The following CNTN4 variants were observed in gnomAD, a reference collection of about 807,000 sequenced individuals.
The protein encoded by CNTN4 is contactin-4.
Under a neutral mutation model 122.5 loss-of-function variants are expected in CNTN4, and 77 were observed. The ratio of observed to expected loss-of-function variants is 0.63; its 90% CI spans 0.52 to 0.76. The LOEUF is 0.76. Ranked by LOEUF, CNTN4 falls within the 30% of genes least tolerant of loss-of-function variation. CNTN4 has a pLI of 0.00. For missense variants in CNTN4, 1,256 were observed against 1,259.1 expected, an observed-to-expected ratio of 1.00 and a Z score of 0.04; for synonymous variants, 512 against 447.0, an observed-to-expected ratio of 1.15 and a Z score of -1.83.
At chr3:2,396,670 T>TTTTTTA (rs1222765860) in intron 3 of CNTN4, among the ~76,000 whole-genome samples, 5 of 151,720 alleles carry the variant, frequency 3.3e-5, no homozygotes, top group Non-Finnish European at 1.5e-5. Flanking sequence ...TTTTTTTTTT[T>TTTTTTA]ATTAACCTCT....
chr3:2,909,966 CT>C (rs1431173888), intron 12 of CNTN4, among the ~76,000 whole-genome samples: 1 of 152,216 alleles, frequency 6.6e-6, no homozygotes, highest in Non-Finnish European at 1.5e-5. Flanking sequence ...TGAACATAGT[CT>C]CCCTACCAAA....
chr3:2,546,570 A>C lies in CNTN4; in HGVS notation c.-88-24846A>C, dbSNP rs1007512187. On this transcript the variant is annotated intron_variant, in intron 3 of 24. Coordinates refer to ENST00000418658, the MANE Select transcript of CNTN4 (RefSeq NM_175607.3). ...TTCTTATTATATGCATGATGAAATA[A>C]TCTGTACACCAAACCTCCATGACAC... Among the ~76,000 whole-genome samples the C allele has an allele frequency of 5.3e-5, 8 of 152,228 alleles. 1 individual carries two copies. The highest frequency in any genetic ancestry group is 1.9e-4 in the African/African-American group (8 of 41,560).
At chr3:2,871,152 C>T (rs999899595) in intron 8 of CNTN4, among the ~76,000 whole-genome samples, 5 of 152,176 alleles carry the variant, frequency 3.3e-5, no homozygotes, top group Non-Finnish European at 7.3e-5. Context: ...TTATTAGCCA[C>T]GTGGCTTTGA....
chr3:2,581,025 A>G (rs927307306), intron 4 of CNTN4, among the ~76,000 whole-genome samples: 1 of 152,184 alleles, frequency 6.6e-6, no homozygotes, highest in African/African-American at 2.4e-5. Context: ...ATCTTGTAAA[A>G]TACTCTGAAC....
At chr3:3,041,536 C>A (rs1700163533) in intron 20 of CNTN4, among the ~76,000 whole-genome samples, 1 of 152,226 alleles carries the variant, frequency 6.6e-6, no homozygotes, top group Admixed American at 6.5e-5. Context: ...CTCTGTGGGC[C>A]TCAGCATCTT....
chr3:2,509,414 A>G (rs1396529991), intron 3 of CNTN4, among the ~76,000 whole-genome samples: 3 of 152,242 alleles, frequency 2.0e-5, no homozygotes, highest in Non-Finnish European at 2.9e-5. Context: ...AAAGTACTTA[A>G]AAAACATGTT....
intron 3 of CNTN4, among the ~76,000 whole-genome samples, chr3:2,483,297 A>G (rs1052010722): frequency 6.6e-6 from 1 of 152,164 alleles, no homozygotes; most frequent in Non-Finnish European, 1.5e-5. Flanking sequence ...TCCATTTGGA[A>G]TGGGCGTATT....
At chr3:2,370,307 A>G (rs538877241) in intron 3 of CNTN4, among the ~76,000 whole-genome samples, 1 of 152,286 alleles carries the variant, frequency 6.6e-6, no homozygotes, top group East Asian at 1.9e-4. Flanking sequence ...AATGAAAAAA[A>G]CCTCAGTAAT....
At chr3:2,391,340 C>T (rs183776123) in intron 3 of CNTN4, among the ~76,000 whole-genome samples, 10 of 152,286 alleles carry the variant, frequency 6.6e-5, no homozygotes, top group Admixed American at 4.6e-4. Flanking sequence ...TCCACGCAAG[C>T]CCCTTTTATG....
intron 14 of CNTN4, among the ~76,000 whole-genome samples, chr3:3,000,331 G>A (rs556674330): frequency 1.2e-4 from 17 of 145,238 alleles, no homozygotes; most frequent in African/African-American, 4.0e-4. Context: ...TGACAACTGG[G>A]ATGATAGGAA....
At position 2,214,427 on chromosome 3, in the gene CNTN4, T is replaced by C. The variant is rs749323856; in HGVS notation, c.-145+113788T>C. Among the ~76,000 whole-genome samples, 15 of 152,290 alleles carry C rather than the reference T, an allele frequency of 9.8e-5. No individual in the cohort carries two copies. In the Middle Eastern group the frequency reaches 0.01, roughly 104 times the overall value. On this transcript the variant is annotated intron_variant, in intron 2 of 24. Coordinates refer to ENST00000418658, the MANE Select transcript of CNTN4 (RefSeq NM_175607.3). Reference sequence around the variant, plus strand: ...TGATCAGATTTCCGTGTATTTAATATTGAGTTTTTATAAATGTCTGTCATT... The same window carrying C: ...TGATCAGATTTCCGTGTATTTAATACTGAGTTTTTATAAATGTCTGTCATT...
intron 4 of CNTN4, among the ~76,000 whole-genome samples, chr3:2,647,813 A>C (rs1178525392): frequency 6.6e-6 from 1 of 152,218 alleles, no homozygotes; most frequent in Non-Finnish European, 1.5e-5. Context: ...CTGAAAAGGC[A>C]ATCTTAATTC....
chr3:2,998,871 G>A lies in CNTN4; in HGVS notation c.1486+10399G>A, dbSNP rs78575617. On this transcript the variant is annotated intron_variant, in intron 14 of 24. Transcript: ENST00000418658. ...ATGAACTGTAGCTAAGTGACATGAC[G>A]CCAACTTCAGTAGAAATTTTGCTTC... 6.6e-3 allele frequency among the ~76,000 whole-genome samples: 1,005 copies of A among 152,216 alleles called. 12 individuals carry two copies. Among genetic ancestry groups the A allele is most frequent in the African/African-American group, 0.022 (923 of 41,558 alleles).
intron 2 of CNTN4, among the ~76,000 whole-genome samples, chr3:2,219,740 A>T (rs1406181582): frequency 6.6e-6 from 1 of 151,408 alleles, no homozygotes; most frequent in African/African-American, 2.5e-5. Context: ...AGTTATTCAC[A>T]TTTCAGCCTG....
intron 3 of CNTN4, among the ~76,000 whole-genome samples, chr3:2,365,175 A>G (rs560522838): frequency 6.6e-6 from 1 of 152,132 alleles, no homozygotes; most frequent in Non-Finnish European, 1.5e-5. Flanking sequence ...TAATGTATCC[A>G]GGATCTCTTT....
At chr3:2,638,829 T>A (rs7644670) in intron 4 of CNTN4, among the ~76,000 whole-genome samples, 105,635 of 152,000 alleles carry the variant, frequency 0.69, 37,811 homozygotes, top group African/African-American at 0.86. Context: ...TTCTTTTAAA[T>A]TTGTTTGCTT....
intron 6 of CNTN4, among the ~76,000 whole-genome samples, chr3:2,756,409 G>T (rs2090341824): frequency 6.6e-6 from 1 of 152,128 alleles, no homozygotes; most frequent in African/African-American, 2.4e-5. Flanking sequence ...AGTGAAACAG[G>T]AAGAGAGCCC....
chr3:2,593,085 A>G (rs1457560300), intron 4 of CNTN4, among the ~76,000 whole-genome samples: 1 of 152,228 alleles, frequency 6.6e-6, no homozygotes, highest in Non-Finnish European at 1.5e-5. Flanking sequence ...CTGAACTCAC[A>G]TGTTGGATTT....
intron 4 of CNTN4, among the ~76,000 whole-genome samples, chr3:2,607,384 A>G (rs190728214): frequency 7.6e-4 from 115 of 152,266 alleles, no homozygotes; most frequent in African/African-American, 2.6e-3. Flanking sequence ...GGTAGAAGCA[A>G]CCTAACTGTC....
Sources: allele counts gnomAD v4.1 joint callset (sites outside exome capture counted in the v4.1 genomes callset), GRCh38; gene constraint gnomAD v4.1.1; transcripts MANE v1.5; gene names NCBI Gene and HGNC (gene_info 2026-07-23, HGNC 2026-07-21).